Variants in CDC42BPA observed in about 807,000 individuals in gnomAD.
CDC42BPA encodes CDC42 binding protein kinase alpha.
In CDC42BPA, 80 loss-of-function variants were observed where a neutral mutation model predicts 223.5. The observed-to-expected ratio is 0.36, with a 90% confidence interval of 0.30 to 0.43. The LOEUF (loss-of-function observed/expected upper bound fraction) is 0.43. CDC42BPA is among the 20% of genes least tolerant of loss of function. The pLI, the probability that CDC42BPA is intolerant of heterozygous loss-of-function variation, is 1.00. For missense variants in CDC42BPA, 1,743 were observed against 2,099.9 expected, an observed-to-expected ratio of 0.83 and a Z score of 3.32; for synonymous variants, 694 against 718.6, an observed-to-expected ratio of 0.97 and a Z score of 0.55.
At chr1:227,021,269 C>T (rs12405857) in intron 32 of CDC42BPA, among the ~76,000 whole-genome samples, 27,009 of 151,958 alleles carry the variant, frequency 0.18, 2,737 homozygotes, top group Non-Finnish European at 0.22. Context: ...CATAAACCTG[C>T]GACTTGTAAA....
rs4653491 is a variant in CDC42BPA at position 227,301,423 on chromosome 1, G to C, written c.178+15582C>G. On this transcript the variant is annotated intron_variant, in intron 1 of 36. Coordinates refer to ENST00000366766, the MANE Select transcript of CDC42BPA (RefSeq NM_001394014.1). ...TCGCCAAGCTAGAGTGCGGTGGCGC[G>C]ATCTCGGCTTACTGCAACCTCTGCC... Among the ~76,000 whole-genome samples the C allele has an allele frequency of 4.7e-3, 712 of 151,348 alleles. 17 individuals carry two copies. The highest frequency in any genetic ancestry group is 0.037 in the Admixed American group (567 of 15,212).
intron 9 of CDC42BPA, among the ~76,000 whole-genome samples, chr1:227,140,794 G>A (rs1322427916): frequency 6.6e-6 from 1 of 152,156 alleles, no homozygotes; most frequent in Non-Finnish European, 1.5e-5. Context: ...GTAAGTGGGT[G>A]GTTAAGACAG....
intron 31 of CDC42BPA, 121 bp downstream of exon 31, chr1:227,025,934 C>G (rs1668166406): frequency 1.7e-6 from 1 of 594,072 alleles, no homozygotes; most frequent in African/African-American, 2.0e-5. Context: ...TAGCTAAGTC[C>G]CAAACTGCCA....
chr1:227,160,499 G>A (rs375628096), intron 6 of CDC42BPA, 44 bp downstream of exon 6: 12 of 1,167,742 alleles, frequency 1.0e-5, no homozygotes, highest in African/African-American at 1.5e-5. Context: ...AATAGCAAGG[G>A]AAATGTCTGT....
intron 25 of CDC42BPA, 140 bp from the exon 26 acceptor site, chr1:227,034,934 C>T (rs1436287326): frequency 3.4e-5 from 21 of 615,382 alleles, no homozygotes; most frequent in Admixed American, 1.4e-4. Flanking sequence ...GGTAAAGTAG[C>T]AGATGAGACA....
At chr1:227,165,598 T>C (rs1357433719) in intron 5 of CDC42BPA, among the ~76,000 whole-genome samples, 1 of 152,126 alleles carries the variant, frequency 6.6e-6, no homozygotes, top group African/African-American at 2.4e-5. Context: ...GCAACCATTA[T>C]CTACCAAGAA....
At chr1:227,158,541 T>C (rs763691837) in intron 6 of CDC42BPA, among the ~76,000 whole-genome samples, 58 of 152,172 alleles carry the variant, frequency 3.8e-4, no homozygotes, top group Non-Finnish European at 2.4e-4. Context: ...ACTCTGTGAT[T>C]GTAGGTTCAT....
chr1:227,029,255 A>T lies in CDC42BPA; in HGVS notation c.3839-5T>A, dbSNP rs766040981. 2.0e-6 allele frequency: 3 copies of T among 1,508,298 alleles called. No individual in the cohort carries two copies. Among genetic ancestry groups the T allele is most frequent in the East Asian group, 4.5e-5 (2 of 44,134 alleles). 93.4% of individuals were successfully genotyped at this position (1,508,298 alleles called of 1,614,324 possible). On this transcript the variant is annotated splice_polypyrimidine_tract_variant and splice_region_variant and intron_variant, in intron 29 of 36. Coordinates refer to ENST00000366766, the MANE Select transcript of CDC42BPA (RefSeq NM_001394014.1). ...TGTCACCAACTCTAATAATTTCTAA[A>T]CACAGAAAGAATAATAAATCAAAAT... is the stretch of plus-strand genomic sequence containing the variant.
At chr1:227,101,944 C>T (rs975911809) in intron 14 of CDC42BPA, among the ~76,000 whole-genome samples, 10 of 152,128 alleles carry the variant, frequency 6.6e-5, no homozygotes, top group African/African-American at 1.4e-4. Context: ...AAAGGGTAAA[C>T]AGAAACATAC....
chr1:227,050,047 G>A (rs913501976), intron 22 of CDC42BPA, among the ~76,000 whole-genome samples: 18 of 151,956 alleles, frequency 1.2e-4, no homozygotes, highest in Admixed American at 6.6e-4. Context: ...AAGACAAAAA[G>A]ACACCACAAA....
chr1:227,132,329 C>T (rs997595238), intron 10 of CDC42BPA, among the ~76,000 whole-genome samples: 5 of 152,114 alleles, frequency 3.3e-5, no homozygotes, highest in East Asian at 3.9e-4. Flanking sequence ...GACGGGGTTT[C>T]GCTGTGTTGG....
At chr1:227,296,414 G>GA (rs1381281284) in intron 1 of CDC42BPA, among the ~76,000 whole-genome samples, 1 of 151,872 alleles carries the variant, frequency 6.6e-6, no homozygotes, top group Non-Finnish European at 1.5e-5. Context: ...AAACTTTTGG[G>GA]AAAAAAATAG....
At chr1:227,193,690 C>T (rs1346465134) in intron 5 of CDC42BPA, 96 bp downstream of exon 5, 1 of 1,031,568 alleles carries the variant, frequency 9.7e-7, no homozygotes, top group Non-Finnish European at 1.4e-6. Flanking sequence ...ATAAATGTAT[C>T]CAAGACCATA....
chr1:227,250,628 G>A (rs1681822847), intron 2 of CDC42BPA, among the ~76,000 whole-genome samples: 2 of 151,950 alleles, frequency 1.3e-5, no homozygotes, highest in African/African-American at 4.8e-5. Flanking sequence ...ACTGAAGTGT[G>A]TGTGTGTGTG....
chr1:227,112,410 T>C lies in CDC42BPA; in HGVS notation c.1903A>G (p.Thr635Ala), dbSNP rs960215752. 6.3e-7 allele frequency: 1 copy of C among 1,597,950 alleles called. No homozygotes were observed. Among genetic ancestry groups the C allele is most frequent in the Admixed American group, 1.8e-5 (1 of 57,132 alleles). Residue 635 changes from threonine (T) to alanine (A), a missense_variant, in exon 14 of 37, where the codon ACA becomes GCA. Physicochemically the swap from Thr to Ala is moderately conservative, Grantham distance 58. Around this residue, in one of 6 missense-constraint regions of CDC42BPA, gnomAD observed 464 missense variants for 488.0 expected, o/e 0.95. Coordinates refer to ENST00000366766, the MANE Select transcript of CDC42BPA (RefSeq NM_001394014.1). ...GATGCTTCAGCAGCTAGAGCTTCTGTATGAACTTCCAGCTTTAAAACAGAA... is the reference window on the plus strand; with the variant it reads ...GATGCTTCAGCAGCTAGAGCTTCTGCATGAACTTCCAGCTTTAAAACAGAA... The part of the protein sequence containing the change: ...ERAKKELEVH[T>A]EALAAEASKD...
At chr1:227,038,875 T>C (rs959573103) in intron 24 of CDC42BPA, among the ~76,000 whole-genome samples, 7 of 152,184 alleles carry the variant, frequency 4.6e-5, no homozygotes, top group African/African-American at 1.7e-4. Context: ...GTCATGGCAA[T>C]AGTTTTTTGG....
intron 2 of CDC42BPA, among the ~76,000 whole-genome samples, chr1:227,243,449 A>T (rs1468736619): frequency 6.6e-6 from 1 of 152,238 alleles, no homozygotes; most frequent in African/African-American, 2.4e-5. Flanking sequence ...TAAAACAAAC[A>T]ATAATCAGAA....
At chr1:227,258,176 G>GGAAAA (rs368193166) in intron 1 of CDC42BPA, among the ~76,000 whole-genome samples, 13 of 108,096 alleles carry the variant, frequency 1.2e-4, no homozygotes, top group South Asian at 1.1e-3. Flanking sequence ...CCCTGTCCGG[G>GGAAAA]AAAAAAAAAA....
intron 5 of CDC42BPA, among the ~76,000 whole-genome samples, chr1:227,162,497 T>C (rs11801012): frequency 0.054 from 8,234 of 152,274 alleles, 251 homozygotes; most frequent in Non-Finnish European, 0.072. Context: ...AAACTGTGCA[T>C]TGCCTTTTGC....
Sources: allele counts gnomAD v4.1 joint callset (sites outside exome capture counted in the v4.1 genomes callset), GRCh38; gene constraint gnomAD v4.1.1; regional missense constraint gnomAD v4.1.1; transcripts MANE v1.5; gene names NCBI Gene and HGNC (gene_info 2026-07-23, HGNC 2026-07-21).